PRKAR1B: variants seen among roughly 807,000 people sequenced by gnomAD.
The protein encoded by PRKAR1B is cAMP-dependent protein kinase type I-beta regulatory subunit.
A neutral mutation model predicts 46.5 loss-of-function variants in PRKAR1B; 22 were observed. That is an observed-to-expected ratio of 0.47 (90% CI 0.34 to 0.68). The LOEUF (loss-of-function observed/expected upper bound fraction) is 0.68, where lower values mean the gene tolerates loss of function less well. Ranked by LOEUF, PRKAR1B falls within the 30% of genes least tolerant of loss-of-function variation. The probability of loss-of-function intolerance (pLI) is 0.01; values close to 1 mark genes in which losing one functional copy is unlikely to be tolerated. For synonymous variants in PRKAR1B, 259 were observed against 217.7 expected, an observed-to-expected ratio of 1.19 and a Z score of -1.67; for missense variants, 445 against 535.6, an observed-to-expected ratio of 0.83 and a Z score of 1.67.
intron 2 of PRKAR1B, among the ~76,000 whole-genome samples, chr7:710,242 A>G (rs1292607698): frequency 2.0e-5 from 3 of 152,162 alleles, no homozygotes; most frequent in Non-Finnish European, 4.4e-5. Flanking sequence ...CCAAGTTCCC[A>G]TTTGGTCCCC....
rs1164206381 is a variant in PRKAR1B, at chr7:644,199, T to C, written c.440+33030A>G. The stretch of plus-strand genomic sequence containing the variant: ...GCACAGGGCACCGACAGGCGGGATG[T>C]TCAACCTGCGTCAGGATGAACCCTC... On this transcript the variant is annotated intron_variant, in intron 4 of 10. Coordinates refer to ENST00000537384, the MANE Select transcript of PRKAR1B (RefSeq NM_001164760.2). The surrounding 1 kb of genome is among the most constrained non-coding windows in gnomAD (Gnocchi z 4.9). Among the ~76,000 whole-genome samples the C allele has an allele frequency of 6.6e-6, 1 of 152,102 alleles. No individual in the cohort carries two copies. The highest frequency in any genetic ancestry group is 1.5e-5 in the Non-Finnish European group (1 of 68,020).
chr7:557,153 C>G (rs1263303278), intron 9 of PRKAR1B, among the ~76,000 whole-genome samples: 2 of 152,222 alleles, frequency 1.3e-5, no homozygotes, highest in African/African-American at 4.8e-5. Context: ...CCGGGACTCC[C>G]TCCTCCTGCC....
intron 9 of PRKAR1B, among the ~76,000 whole-genome samples, chr7:570,381 C>T (rs760767759): frequency 6.6e-6 from 1 of 152,194 alleles, no homozygotes; most frequent in African/African-American, 2.4e-5. Flanking sequence ...GCTCGGGGGG[C>T]CTGGGAGCCT....
At chr7:572,428 C>T (rs139619331) in intron 9 of PRKAR1B, among the ~76,000 whole-genome samples, 52 of 152,298 alleles carry the variant, frequency 3.4e-4, no homozygotes, top group Middle Eastern at 3.4e-3. Flanking sequence ...CAGAGAGACC[C>T]GCGGGGGTCT....
chr7:612,846 G>A (rs1403439168), intron 4 of PRKAR1B, among the ~76,000 whole-genome samples: 2 of 151,290 alleles, frequency 1.3e-5, no homozygotes, highest in East Asian at 1.9e-4. Context: ...TTAAATAAAC[G>A]ACACTGAAAA....
intron 7 of PRKAR1B, among the ~76,000 whole-genome samples, chr7:591,429 T>C (rs1227503391): frequency 6.6e-6 from 1 of 151,772 alleles, no homozygotes; most frequent in Non-Finnish European, 1.5e-5. Flanking sequence ...GCGCTAGAAG[T>C]GGCTTCTTAA....
chr7:681,608 G>A (rs1409770938), intron 2 of PRKAR1B, among the ~76,000 whole-genome samples: 3 of 152,144 alleles, frequency 2.0e-5, no homozygotes, highest in East Asian at 1.9e-4. Context: ...GGGACTGGAA[G>A]TTGAGCCCCG....
At chr7:574,958 C>T (rs1050218183) in intron 9 of PRKAR1B, among the ~76,000 whole-genome samples, 1 of 152,194 alleles carries the variant, frequency 6.6e-6, no homozygotes, top group Admixed American at 6.5e-5. Flanking sequence ...GGCGGTGGAG[C>T]GGCCGGGAGA....
At chr7:662,249 G>C (rs1583379407) in intron 4 of PRKAR1B, among the ~76,000 whole-genome samples, 1 of 85,026 alleles carries the variant, frequency 1.2e-5, no homozygotes, top group Admixed American at 1.4e-4. Context: ...CCCCCACATG[G>C]CACAGGTCCC....
chr7:588,333 G>T (rs13229325), intron 7 of PRKAR1B, among the ~76,000 whole-genome samples: 85,714 of 152,182 alleles, frequency 0.56, 25,013 homozygotes, highest in East Asian at 0.84. Flanking sequence ...TTGGTGAAAT[G>T]AGACCATAAA....
At position 678,071 on chromosome 7, in the gene PRKAR1B, G is replaced by A. The variant is rs150603183; in HGVS notation, c.349-751C>T. ...GGATCGCCTGAGGTCAAGAGTTCGA[G>A]ACCAGCCTGCCCAACATGGTGAAAC... On this transcript the variant is annotated intron_variant, in intron 3 of 10. Transcript: ENST00000537384. 6.5e-3 allele frequency among the ~76,000 whole-genome samples: 983 copies of A among 152,280 alleles called. 11 individuals are homozygous for A. Among genetic ancestry groups the A allele is most frequent in the African/African-American group, 0.023 (935 of 41,546 alleles).
intron 4 of PRKAR1B, among the ~76,000 whole-genome samples, chr7:622,485 C>G (rs181179175): frequency 6.6e-6 from 1 of 152,156 alleles, no homozygotes; most frequent in Admixed American, 6.5e-5. Flanking sequence ...GTGCTAGGAT[C>G]GTATCCAGTA....
chr7:665,335 G>A (rs931267461), intron 4 of PRKAR1B, among the ~76,000 whole-genome samples: 4 of 152,178 alleles, frequency 2.6e-5, no homozygotes, highest in African/African-American at 4.8e-5. Flanking sequence ...AAGCTGGGTG[G>A]CCCGACGCAG....
At chr7:599,785 G>GGGAGTGTGTAATGT (rs1285186442) in intron 6 of PRKAR1B, among the ~76,000 whole-genome samples, 85 of 148,884 alleles carry the variant, frequency 5.7e-4, no homozygotes, top group South Asian at 1.1e-3. Flanking sequence ...CACATGGGCA[G>GGGAGTGTGTAATGT]GCCCCCCATT....
chr7:552,845 G>C (rs1784331771), intron 9 of PRKAR1B, among the ~76,000 whole-genome samples: 1 of 152,266 alleles, frequency 6.6e-6, no homozygotes, highest in South Asian at 2.1e-4. Flanking sequence ...CCCGGGGAAA[G>C]GGGAGGGGGG....
chr7:630,507 C>T (rs1471671200), intron 4 of PRKAR1B, among the ~76,000 whole-genome samples: 2 of 152,150 alleles, frequency 1.3e-5, no homozygotes, highest in Non-Finnish European at 2.9e-5. Flanking sequence ...GGGGGTCCCA[C>T]GGCTCCCTGT....
chr7:668,255 C>T (rs1251591932), intron 4 of PRKAR1B, among the ~76,000 whole-genome samples: 1 of 152,216 alleles, frequency 6.6e-6, no homozygotes, highest in African/African-American at 2.4e-5. Context: ...AGGAATTTGG[C>T]TTTGCTCGCC....
chr7:640,797 C>T (rs1276713733), intron 4 of PRKAR1B, among the ~76,000 whole-genome samples: 1 of 129,040 alleles, frequency 7.7e-6, no homozygotes, highest in Non-Finnish European at 1.7e-5. Context: ...CACACACACA[C>T]ACACACACAC....
At chr7:656,259 T>C (rs1274814225) in intron 4 of PRKAR1B, among the ~76,000 whole-genome samples, 1 of 151,196 alleles carries the variant, frequency 6.6e-6, no homozygotes, top group African/African-American at 2.4e-5. Flanking sequence ...AATTAGTGGA[T>C]GGGTGGGTGA....
Sources: allele counts gnomAD v4.1 joint callset (sites outside exome capture counted in the v4.1 genomes callset), GRCh38; gene constraint gnomAD v4.1.1; non-coding constraint Gnocchi (gnomAD v3.1); transcripts MANE v1.5; gene names NCBI Gene and HGNC (gene_info 2026-07-23, HGNC 2026-07-21).